The following HLTF variants were observed in gnomAD, a reference collection of about 807,000 sequenced individuals.
The protein encoded by HLTF is helicase like transcription factor, also known as DNA-dependent ATPase/E3 ubiquitin-protein ligase HLTF.
Under a neutral mutation model 129.4 loss-of-function variants are expected in HLTF, and 127 were observed. That is an observed-to-expected ratio of 0.98 (90% CI 0.85 to 1.14). The LOEUF is 1.14. Among genes scored for constraint, HLTF ranks in the 50% most tolerant of loss-of-function variants. HLTF has a pLI of 0.00. For synonymous variants in HLTF, 332 were observed against 388.8 expected (o/e 0.85, Z 1.72); for missense variants, 1,139 against 1,187.1 (o/e 0.96, Z 0.60).
chr3:149,048,187 T>C (rs1716709812), intron 16 of HLTF, 24 bp from the exon 17 acceptor site: 1 of 1,582,916 alleles, frequency 6.3e-7, no homozygotes, highest in Non-Finnish European at 8.6e-7. Flanking sequence ...GAAACTGTTA[T>C]AACTCTTTAA....
Position 149,039,672 on chromosome 3 carries a change from A to G in HLTF, c.2524T>C (p.Leu842=). The G allele has an allele frequency of 1.2e-6, 2 of 1,603,442 alleles. No homozygotes were observed. The highest frequency in any genetic ancestry group is 1.7e-4 in the Middle Eastern group (1 of 6,020). The change falls in exon 22 of 25, where the codon TTG becomes CTG. Residue 842 remains leucine, a synonymous_variant. Transcript: ENST00000310053. The part of the protein sequence containing the change: ...SSKINALMHA[L]TDLRKKNPNI... ...GGATTCTTCTTTCTTAAGTCAGTCAATGCGTGCATTAGCGCATTAATCTGC... is the reference window on the plus strand; with the variant it reads ...GGATTCTTCTTTCTTAAGTCAGTCAGTGCGTGCATTAGCGCATTAATCTGC...
chr3:149,039,617 A>C lies in HLTF; in HGVS notation c.2579T>G (p.Phe860Cys). The change falls in exon 22 of 25, where the codon TTT becomes TGT. Residue 860 changes from phenylalanine (F) to cysteine (C), a missense_variant. Phe to Cys is a radical substitution (Grantham distance 205). Coordinates refer to ENST00000310053, the MANE Select transcript of HLTF (RefSeq NM_003071.4). ...TTCTATTAAAGACAGGAATGTTGTA[A>C]ACTGAGAAACAACCAAACTTTTTAT... ...PNIKSLVVSQFTTFLSLIEIP... is the reference protein window; with the variant it reads ...PNIKSLVVSQCTTFLSLIEIP... The C allele has an allele frequency of 6.3e-7, 1 of 1,599,498 alleles. No homozygotes were observed. The highest frequency in any genetic ancestry group is 8.5e-7 in the Non-Finnish European group (1 of 1,169,766).
chr3:149,081,493 A>AT (rs1486267148), intron 2 of HLTF, among the ~76,000 whole-genome samples: 1 of 152,134 alleles, frequency 6.6e-6, no homozygotes, highest in African/African-American at 2.4e-5. Context: ...AAGAGTAATT[A>AT]TTAAGCCAAG....
chr3:149,053,291 C>T (rs953820554), intron 14 of HLTF, among the ~76,000 whole-genome samples: 8 of 152,174 alleles, frequency 5.3e-5, no homozygotes, highest in Non-Finnish European at 1.0e-4. Context: ...GTGTATGGCT[C>T]ATAGCGGTGG....
At chr3:149,033,750 AAAAAT>A (rs1272452151) in intron 24 of HLTF, among the ~76,000 whole-genome samples, 4 of 152,160 alleles carry the variant, frequency 2.6e-5, no homozygotes, top group African/African-American at 4.8e-5. Flanking sequence ...TCATAAAACA[AAAAAT>A]AAAATCTTCC....
intron 24 of HLTF, among the ~76,000 whole-genome samples, chr3:149,034,642 T>C (rs780890450): frequency 6.6e-6 from 1 of 152,212 alleles, no homozygotes; most frequent in Non-Finnish European, 1.5e-5. Context: ...CTCCAATGTA[T>C]AGTTTTAAGG....
intron 9 of HLTF, 29 bp from the exon 10 acceptor site, chr3:149,063,553 G>A: frequency 3.0e-6 from 4 of 1,313,668 alleles, no homozygotes; most frequent in Non-Finnish European, 3.3e-6. Context: ...CAAATATAAA[G>A]TATTAGTAAG....
In HLTF at chr3:149,058,465, C is replaced by T. The variant is rs140314385; in HGVS notation, c.1375+1253G>A. Among the ~76,000 whole-genome samples, 501 of 152,284 alleles carry T rather than the reference C, an allele frequency of 3.3e-3. 1 individual carries two copies. Among genetic ancestry groups the T allele is most frequent in the Non-Finnish European group, 5.2e-3 (357 of 68,018 alleles). Reference sequence around the variant, plus strand: ...TTTCTATGGACTCCATATGTACATCCTTTGACTATTCTCCTATTGGGTGGT... The same window carrying T: ...TTTCTATGGACTCCATATGTACATCTTTTGACTATTCTCCTATTGGGTGGT... On this transcript the variant is annotated intron_variant, in intron 13 of 24. Coordinates refer to ENST00000310053, the MANE Select transcript of HLTF (RefSeq NM_003071.4).
At position 149,041,489 on chromosome 3, in the gene HLTF, C is replaced by A; in HGVS notation, c.2376+1G>T. The A allele has an allele frequency of 6.2e-7, 1 of 1,610,610 alleles. No homozygotes were observed. Among genetic ancestry groups the A allele is most frequent in the African/African-American group, 1.3e-5 (1 of 74,946 alleles). On this transcript the variant is annotated splice_donor_variant, in intron 20 of 24. Transcript: ENST00000310053. LOFTEE classifies it high-confidence loss of function. ...GAACCTGTACTGAGCAAAAAACTAA[C>A]CTGCTCATTCTGAATGACTTGGCAA...
At chr3:149,053,985 G>A (rs1183968405) in intron 14 of HLTF, among the ~76,000 whole-genome samples, 2 of 152,028 alleles carry the variant, frequency 1.3e-5, no homozygotes, top group Non-Finnish European at 2.9e-5. Flanking sequence ...TCATTCTTCT[G>A]GTCCTAAGAG....
rs1269678779 is a variant in HLTF at position 149,055,370 on chromosome 3, G to T, written c.1406C>A (p.Thr469Asn). 25 of 1,613,674 alleles carry T rather than the reference G, an allele frequency of 1.5e-5. No homozygotes were observed. The highest frequency in any genetic ancestry group is 2.1e-5 in the Non-Finnish European group (25 of 1,179,804). The change falls in exon 14 of 25, where the codon ACT (threonine) becomes AAT (asparagine). Residue 469 changes from threonine to asparagine, a missense_variant. By Grantham distance (65) the Thr-to-Asn change is moderately conservative. Transcript: ENST00000310053. ...TGTTCTTGGTCTCTCCTCAACATCA[G>T]TTTTCTTTGACCCCTCCACTGCACA... ...GACAVEGSKKTDVEERPRTTL... is the reference protein window; with the variant it reads ...GACAVEGSKKNDVEERPRTTL...
intron 10 of HLTF, among the ~76,000 whole-genome samples, chr3:149,061,413 AAAAAT>A (rs139954914): frequency 2.6e-4 from 39 of 150,438 alleles, no homozygotes; most frequent in South Asian, 8.3e-4. Context: ...TCCATCTCAA[AAAAAT>A]AAAATAAAAT....
intron 9 of HLTF, among the ~76,000 whole-genome samples, 179 bp downstream of exon 9, chr3:149,064,612 C>G (rs553772075): frequency 1.3e-5 from 2 of 152,140 alleles, no homozygotes; most frequent in South Asian, 4.2e-4. Context: ...CTTCATGAAA[C>G]CTTTCCTATC....
intron 7 of HLTF, among the ~76,000 whole-genome samples, chr3:149,068,676 C>T (rs1358546711): frequency 1.3e-5 from 2 of 151,988 alleles, no homozygotes. Context: ...CCATGAAGTT[C>T]GGAGCTAAAG....
rs753106222 is a variant in HLTF at position 149,055,368 on chromosome 3, C to A, written c.1408G>T (p.Asp470Tyr). ...GTTGTTCTTGGTCTCTCCTCAACAT[C>A]AGTTTTCTTTGACCCCTCCACTGCA... ...ACAVEGSKKT[D>Y]VEERPRTTLI... Residue 470 changes from aspartate (D) to tyrosine (Y), a missense_variant, in exon 14 of 25, where the codon GAT (aspartate) becomes TAT (tyrosine). Coordinates refer to ENST00000310053, the MANE Select transcript of HLTF (RefSeq NM_003071.4). 3 of 1,613,920 alleles carry A rather than the reference C, an allele frequency of 1.9e-6. No homozygotes were observed. Among genetic ancestry groups the A allele is most frequent in the Non-Finnish European group, 2.5e-6 (3 of 1,179,862 alleles).
intron 20 of HLTF, 44 bp from the exon 21 acceptor site, chr3:149,040,200 AC>A: frequency 6.4e-7 from 1 of 1,559,102 alleles, no homozygotes; most frequent in Non-Finnish European, 8.6e-7. Flanking sequence ...TAACAGAAGA[AC>A]AAATATAAAT....
In HLTF at chr3:149,060,835, A is replaced by G. The variant is rs751446434; in HGVS notation, c.1184T>C (p.Ile395Thr). 76 of 1,613,238 alleles carry G rather than the reference A, an allele frequency of 4.7e-5. No homozygotes were observed. The highest frequency in any genetic ancestry group is 6.2e-5 in the Non-Finnish European group (73 of 1,179,442). The part of the protein sequence containing the change: ...PKRRKTAVQY[I>T]ESSDSEEIET... ...AATTTCCTCTGAATCACTGCTTTCT[A>G]TGTACTGGACAGCAGTTTTTCTTCT... The change falls in exon 11 of 25, where the codon ATA becomes ACA. Residue 395 changes from isoleucine (I) to threonine (T), a missense_variant. By Grantham distance (89) the Ile-to-Thr change is moderately conservative. Transcript: ENST00000310053.
intron 3 of HLTF, among the ~76,000 whole-genome samples, chr3:149,074,613 C>A (rs1719181836): frequency 6.6e-6 from 1 of 151,980 alleles, no homozygotes; most frequent in Non-Finnish European, 1.5e-5. Flanking sequence ...GGCCTGTAAA[C>A]AAGATTGTAA....
At chr3:149,042,108 A>C in intron 19 of HLTF, 58 bp downstream of exon 19, 1 of 1,498,776 alleles carries the variant, frequency 6.7e-7, no homozygotes, top group Admixed American at 1.9e-5. Flanking sequence ...AAAATTTATC[A>C]CTCTTATTTA....
Sources: allele counts gnomAD v4.1 joint callset (sites outside exome capture counted in the v4.1 genomes callset), GRCh38; gene constraint gnomAD v4.1.1; transcripts MANE v1.5; gene names NCBI Gene and HGNC (gene_info 2026-07-23, HGNC 2026-07-21).